Variants in AKT1 observed in about 807,000 individuals in gnomAD.
AKT1 encodes RAC-alpha serine/threonine-protein kinase.
Under a neutral mutation model 63.1 loss-of-function variants are expected in AKT1, and 21 were observed. The observed-to-expected ratio is 0.33, with a 90% CI of 0.24 to 0.48. The LOEUF is 0.48. Among genes scored for constraint, AKT1 ranks in the 20% least tolerant of loss-of-function variants. The probability of loss-of-function intolerance (pLI) is 0.99; values close to 1 mark genes in which losing one functional copy is unlikely to be tolerated. For synonymous variants in AKT1, 257 were observed against 253.1 expected (o/e 1.02, Z -0.15); for missense variants, 382 against 666.0 (o/e 0.57, Z 4.69).
Position 104,772,566 on chromosome 14 carries a change from G to A in AKT1, c.1173-114C>T, listed in dbSNP as rs535729419. 984 of 1,071,044 alleles carry A rather than the reference G, an allele frequency of 9.2e-4. No individual in the cohort carries two copies. The highest frequency in any genetic ancestry group is 1.0e-3 in the Non-Finnish European group (752 of 721,740). The allele number at this position is 1,071,044 out of a possible 1,614,324, so 66.3% of individuals were successfully genotyped here. A position where few individuals can be genotyped will look rare whatever the true frequency, so the allele number is the denominator to read the frequency against. On this transcript the variant is annotated intron_variant, in intron 12 of 14. Transcript: ENST00000649815. ...GCCAGACAGGACGTTCCGGGGCCAG[G>A]GAGGGGAGCCGGTGGTGCAGCGTCC...
At chr14:104,775,508 G>T in intron 6 of AKT1, 144 bp downstream of exon 6, 26 of 1,231,662 alleles carry the variant, frequency 2.1e-5, no homozygotes, top group Non-Finnish European at 2.8e-5. Flanking sequence ...GGAAGCAGCT[G>T]CGCCCTACAT....
Position 104,770,245 on chromosome 14 carries a change from A to G in AKT1, c.*96T>C. On this transcript the variant is annotated 3_prime_UTR_variant, in exon 15 of 15. Transcript: ENST00000649815. ...GAGAGGACAGCGTGGCTTCTCTCAA[A>G]TGCACCCGAGAAATAAAAACCATTA... 7.3e-7 allele frequency: 1 copy of G among 1,374,748 alleles called. No individual in the cohort carries two copies. The highest frequency in any genetic ancestry group is 1.0e-6 in the Non-Finnish European group (1 of 999,146). The allele number at this position is 1,374,748 out of a possible 1,614,324, so 85.2% of individuals were successfully genotyped here. A position where few individuals can be genotyped will look rare whatever the true frequency, so the allele number is the denominator to read the frequency against.
intron 3 of AKT1, among the ~76,000 whole-genome samples, chr14:104,781,690 C>T (rs1893055214): frequency 6.6e-6 from 1 of 152,176 alleles, no homozygotes; most frequent in African/African-American, 2.4e-5. Context: ...TCTGCCCAAG[C>T]CAGGGCTGCT....
intron 4 of AKT1, among the ~76,000 whole-genome samples, chr14:104,779,332 C>T (rs1290382328): frequency 6.6e-6 from 1 of 152,208 alleles, no homozygotes; most frequent in Non-Finnish European, 1.5e-5. Flanking sequence ...AAAGGCTCTG[C>T]CATGGGGTCT....
Position 104,769,932 on chromosome 14 carries a change from GC to G in AKT1, c.*408del. On this transcript the variant is annotated 3_prime_UTR_variant, in exon 15 of 15. Coordinates refer to ENST00000649815, the MANE Select transcript of AKT1 (RefSeq NM_001382430.1). ...CCACCAGGTTGAACTGAGGCCCAGG[GC>G]CCCAGAGAGATGACAGATAGCTGGT... 2.4e-6 allele frequency: 1 copy of G among 410,244 alleles called. No homozygotes were observed. The highest frequency in any genetic ancestry group is 4.5e-6 in the Non-Finnish European group (1 of 220,974). 25.4% of individuals were successfully genotyped at this position (410,244 alleles called of 1,614,324 possible).
At chr14:104,785,763 G>A (rs1364881561) in intron 3 of AKT1, among the ~76,000 whole-genome samples, 1 of 152,130 alleles carries the variant, frequency 6.6e-6, no homozygotes, top group Non-Finnish European at 1.5e-5. Context: ...GCAGGCCTCA[G>A]CCCGACACAC....
In AKT1 at chr14:104,792,733, C is replaced by G. The variant is rs372313348; in HGVS notation, c.-79-11G>C. The G allele has an allele frequency of 6.6e-6, 10 of 1,523,440 alleles. No individual in the cohort carries two copies. In the African/African-American group the frequency reaches 8.2e-5, roughly 12 times the overall value. The allele number at this position is 1,523,440 out of a possible 1,614,324, so 94.4% of individuals were successfully genotyped here. Reference sequence around the variant, plus strand: ...GCCTGGCCACAGCCTCTGGGAGAAGCAAAGGAAGCTGAATGTGAGGCCACG... The same window carrying G: ...GCCTGGCCACAGCCTCTGGGAGAAGGAAAGGAAGCTGAATGTGAGGCCACG... On this transcript the variant is annotated splice_polypyrimidine_tract_variant and intron_variant, in intron 2 of 14. Transcript: ENST00000649815.
In AKT1 at chr14:104,773,915, G is replaced by T; in HGVS notation, c.699C>A (p.Gly233=). 1.2e-6 allele frequency: 2 copies of T among 1,608,576 alleles called. No individual in the cohort carries two copies. The highest frequency in any genetic ancestry group is 8.5e-7 in the Non-Finnish European group (1 of 1,177,306). ...CCCCCGCAGCCCCAGCCCCTACCTCGCCCCCGTTGGCGTACTCCATGACAA... is the reference window on the plus strand; with the variant it reads ...CCCCCGCAGCCCCAGCCCCTACCTCTCCCCCGTTGGCGTACTCCATGACAA... ...LCFVMEYANG[G]ELFFHLSRER... is the part of the protein sequence containing the mutation. The change falls in exon 9 of 15, where the codon GGC becomes GGA. Residue 233 remains glycine (G), a synonymous_variant. Coordinates refer to ENST00000649815, the MANE Select transcript of AKT1 (RefSeq NM_001382430.1).
rs1002161867 is a variant in AKT1, at chr14:104,769,733, C to T, written c.*608G>A. On this transcript the variant is annotated 3_prime_UTR_variant, in exon 15 of 15. Coordinates refer to ENST00000649815, the MANE Select transcript of AKT1 (RefSeq NM_001382430.1). Reference sequence around the variant, plus strand: ...CACAATAACAAATTTAAACCTTGCTCCTCTGTCCCACTGGGTAAACCCTGG... The same window carrying T: ...CACAATAACAAATTTAAACCTTGCTTCTCTGTCCCACTGGGTAAACCCTGG... The T allele has an allele frequency of 3.9e-5, 16 of 406,762 alleles. No individual in the cohort carries two copies. The highest frequency in any genetic ancestry group is 6.6e-5 in the Non-Finnish European group (14 of 213,344). 25.2% of individuals were successfully genotyped at this position (406,762 alleles called of 1,614,324 possible). A position where few individuals can be genotyped will look rare whatever the true frequency, so the allele number is the denominator to read the frequency against.
chr14:104,773,269 A>G lies in AKT1; in HGVS notation c.939T>C (p.Pro313=), dbSNP rs776378715. Residue 313 remains proline (P), a synonymous_variant, in exon 11 of 15, where the codon CCT becomes CCC. Coordinates refer to ENST00000649815, the MANE Select transcript of AKT1 (RefSeq NM_001382430.1). ...CGCACACCTCGGGGGCCAGGTACTCAGGTGTGCCGCAAAAGGTCTTCATGG... is the reference window on the plus strand; with the variant it reads ...CGCACACCTCGGGGGCCAGGTACTCGGGTGTGCCGCAAAAGGTCTTCATGG... ...GATMKTFCGT[P]EYLAPEVLED... 2 of 1,614,196 alleles carry G rather than the reference A, an allele frequency of 1.2e-6. No homozygotes were observed. The highest frequency in any genetic ancestry group is 3.3e-5 in the Admixed American group (2 of 60,030).
At chr14:104,782,496 G>C (rs1654087874) in intron 3 of AKT1, among the ~76,000 whole-genome samples, 1 of 152,198 alleles carries the variant, frequency 6.6e-6, no homozygotes, top group African/African-American at 2.4e-5. Context: ...AGCTGCATCT[G>C]GGGGGTTCTG....
chr14:104,789,136 G>A (rs1450972887), intron 3 of AKT1, among the ~76,000 whole-genome samples: 2 of 152,202 alleles, frequency 1.3e-5, no homozygotes, highest in African/African-American at 4.8e-5. Flanking sequence ...CTCGGACAGC[G>A]ACCAGCCTGA....
At chr14:104,787,732 C>A (rs1021191768) in intron 3 of AKT1, among the ~76,000 whole-genome samples, 43 of 152,368 alleles carry the variant, frequency 2.8e-4, no homozygotes, top group African/African-American at 7.5e-4. Context: ...TCCCGGAGTC[C>A]AGCCCCCCAC....
intron 13 of AKT1, 40 bp downstream of exon 13, chr14:104,772,325 G>T (rs753350034): frequency 6.2e-7 from 1 of 1,601,986 alleles, no homozygotes; most frequent in Non-Finnish European, 8.6e-7. Context: ...GGATATGTGG[G>T]GAGCATGCGT....
chr14:104,773,297 G>A lies in AKT1; in HGVS notation c.911C>T (p.Ala304Val), dbSNP rs1377831067. 6.2e-7 allele frequency: 1 copy of A among 1,614,212 alleles called. No individual in the cohort carries two copies. Among genetic ancestry groups the A allele is most frequent in the Admixed American group, 1.7e-5 (1 of 60,030 alleles). Residue 304 changes from alanine to valine, a missense_variant, in exon 11 of 15, where the codon GCC (alanine) becomes GTC (valine). Transcript: ENST00000649815. ...GLCKEGIKDG[A>V]TMKTFCGTPE... ...TGTGCCGCAAAAGGTCTTCATGGTG[G>A]CACCGTCCTTGATCCCCTCCTTGCA...
At chr14:104,781,622 G>T (rs1893049356) in intron 3 of AKT1, among the ~76,000 whole-genome samples, 1 of 152,138 alleles carries the variant, frequency 6.6e-6, no homozygotes, top group Non-Finnish European at 1.5e-5. Context: ...GGCCCCAGCT[G>T]CCCAATGCCC....
chr14:104,769,762 A>G lies in AKT1; in HGVS notation c.*579T>C. Reference sequence around the variant, plus strand: ...TGTCCCACTGGGTAAACCCTGGCCCATCCCCCATCCCTGGTCCCATCCCAG... The same window carrying G: ...TGTCCCACTGGGTAAACCCTGGCCCGTCCCCCATCCCTGGTCCCATCCCAG... On this transcript the variant is annotated 3_prime_UTR_variant, in exon 15 of 15. Coordinates refer to ENST00000649815, the MANE Select transcript of AKT1 (RefSeq NM_001382430.1). The G allele has an allele frequency of 2.6e-6, 1 of 389,772 alleles. No homozygotes were observed. 24.1% of individuals were successfully genotyped at this position (389,772 alleles called of 1,614,324 possible).
Position 104,775,802 on chromosome 14 carries a change from G to C in AKT1, c.288-3C>G, listed in dbSNP as rs61761189. 2 of 1,613,626 alleles carry C rather than the reference G, an allele frequency of 1.2e-6. No individual in the cohort carries two copies. The highest frequency in any genetic ancestry group is 1.7e-6 in the Non-Finnish European group (2 of 1,179,836). On this transcript the variant is annotated splice_region_variant and splice_polypyrimidine_tract_variant and intron_variant, in intron 5 of 14. Transcript: ENST00000649815. ...GGATGGCGGTTGTCCACTCCTCCCT[G>C]CAGGAGGTCAGGTGAGGCTGCAGGC...
intron 3 of AKT1, among the ~76,000 whole-genome samples, chr14:104,783,310 C>T (rs566348320): frequency 5.9e-5 from 9 of 152,278 alleles, no homozygotes; most frequent in Non-Finnish European, 1.3e-4. Flanking sequence ...ATGCCCCCCA[C>T]TCGAGGCAGG....
Sources: allele counts gnomAD v4.1 joint callset (sites outside exome capture counted in the v4.1 genomes callset), GRCh38; gene constraint gnomAD v4.1.1; transcripts MANE v1.5; gene names NCBI Gene and HGNC (gene_info 2026-07-23, HGNC 2026-07-21).